LDB2: variants seen among roughly 807,000 people sequenced by gnomAD.
The protein encoded by LDB2 is LIM domain binding 2.
Under a neutral mutation model 44.3 loss-of-function variants are expected in LDB2, and 12 were observed. The ratio of observed to expected loss-of-function variants is 0.27; its 90% CI spans 0.17 to 0.44. LDB2 has a LOEUF of 0.44. Ranked by LOEUF, LDB2 falls within the 20% of genes least tolerant of loss-of-function variation. The pLI, the probability that LDB2 is intolerant of heterozygous loss-of-function variation, is 1.00. For missense variants in LDB2, 344 were observed against 473.5 expected, an observed-to-expected ratio of 0.73 and a Z score of 2.54; for synonymous variants, 164 against 174.8, an observed-to-expected ratio of 0.94 and a Z score of 0.49.
At chr4:16,556,182 A>G (rs950980740) in intron 5 of LDB2, among the ~76,000 whole-genome samples, 5 of 152,242 alleles carry the variant, frequency 3.3e-5, no homozygotes, top group Admixed American at 3.3e-4. Flanking sequence ...TTGAAATTAT[A>G]AACATATTTT....
At chr4:16,585,055 T>C (rs532936991) in intron 5 of LDB2, among the ~76,000 whole-genome samples, 59 of 152,132 alleles carry the variant, frequency 3.9e-4, no homozygotes, top group Non-Finnish European at 7.9e-4. Flanking sequence ...CAAGACGATA[T>C]GCCCAGCAGT....
At chr4:16,518,943 G>C (rs1227753700) in intron 5 of LDB2, among the ~76,000 whole-genome samples, 1 of 152,102 alleles carries the variant, frequency 6.6e-6, no homozygotes, top group Non-Finnish European at 1.5e-5. Flanking sequence ...ACCATTTAAG[G>C]TCCTCCAAGG....
At chr4:16,651,649 A>G (rs1738306891) in intron 2 of LDB2, among the ~76,000 whole-genome samples, 1 of 151,908 alleles carries the variant, frequency 6.6e-6, no homozygotes, top group Non-Finnish European at 1.5e-5. Flanking sequence ...ACCCCAAATC[A>G]TGGTATTTAC....
At chr4:16,585,892 C>CA in intron 5 of LDB2, 30 bp downstream of exon 5, 1 of 1,582,186 alleles carries the variant, frequency 6.3e-7, no homozygotes, top group Non-Finnish European at 8.7e-7. Context: ...TCAAACTCAC[C>CA]AAAAAATAAA....
At chr4:16,894,990 G>A (rs1222652840) in intron 1 of LDB2, among the ~76,000 whole-genome samples, 1 of 151,758 alleles carries the variant, frequency 6.6e-6, no homozygotes, top group East Asian at 1.9e-4. Flanking sequence ...CTTTTCTGGT[G>A]TTTATGGTAT....
chr4:16,819,518 C>A, intron 1 of LDB2, among the ~76,000 whole-genome samples: 1 of 145,274 alleles, frequency 6.9e-6, no homozygotes. Context: ...AGACCCAGGT[C>A]ATGTATTTTG....
chr4:16,829,348 A>T (rs1783639314), intron 1 of LDB2, among the ~76,000 whole-genome samples: 1 of 152,238 alleles, frequency 6.6e-6, no homozygotes, highest in Non-Finnish European at 1.5e-5. Flanking sequence ...CCAATACAAA[A>T]CAGAGAAACT....
intron 2 of LDB2, among the ~76,000 whole-genome samples, chr4:16,730,310 G>C (rs921164204): frequency 2.2e-4 from 33 of 151,960 alleles, no homozygotes; most frequent in Non-Finnish European, 4.3e-4. Flanking sequence ...TTTGCTTCAC[G>C]GTCATTATCA....
chr4:16,543,428 G>T (rs1468982004), intron 5 of LDB2, among the ~76,000 whole-genome samples: 1 of 152,192 alleles, frequency 6.6e-6, no homozygotes, highest in Non-Finnish European at 1.5e-5. Flanking sequence ...ATCCTCTCCA[G>T]CACCTGTTGT....
intron 1 of LDB2, among the ~76,000 whole-genome samples, chr4:16,821,519 G>A (rs1333922208): frequency 6.7e-6 from 1 of 150,086 alleles, no homozygotes; most frequent in Non-Finnish European, 1.5e-5. Flanking sequence ...GAGTAGCTGG[G>A]ACTACAGGCG....
intron 1 of LDB2, among the ~76,000 whole-genome samples, chr4:16,802,672 C>G (rs1778065572): frequency 6.6e-6 from 1 of 152,120 alleles, no homozygotes; most frequent in Non-Finnish European, 1.5e-5. Context: ...GACTGTGTCC[C>G]CACCCAAATC....
At chr4:16,877,132 G>A (rs1044132892) in intron 1 of LDB2, among the ~76,000 whole-genome samples, 1 of 152,172 alleles carries the variant, frequency 6.6e-6, no homozygotes, top group South Asian at 2.1e-4. Context: ...TGGCAAGAGA[G>A]ACAGGCCAGA....
chr4:16,850,026 T>C (rs775097131), intron 1 of LDB2, among the ~76,000 whole-genome samples: 3 of 152,212 alleles, frequency 2.0e-5, no homozygotes, highest in Non-Finnish European at 4.4e-5. Context: ...AAACTTTGCA[T>C]CTATGCATTC....
Position 16,533,503 on chromosome 4 carries a change from A to G in LDB2, c.616-21399T>C, listed in dbSNP as rs1378924157. On this transcript the variant is annotated intron_variant, in intron 5 of 7. Transcript: ENST00000304523. The surrounding 1 kb of genome is among the most constrained non-coding windows in gnomAD (Gnocchi z 4.1). ...GACTTAAGTGGGTCCTAAAAAAGCA[A>G]TGACAAATGACACAATGAAATTGTA... is the stretch of plus-strand genomic sequence containing the variant. Among the ~76,000 whole-genome samples the G allele has an allele frequency of 2.0e-5, 3 of 152,214 alleles. No individual in the cohort carries two copies. The highest frequency in any genetic ancestry group is 3.9e-4 in the East Asian group (2 of 5,194).
At chr4:16,573,456 G>A (rs1747298891) in intron 5 of LDB2, among the ~76,000 whole-genome samples, 1 of 152,164 alleles carries the variant, frequency 6.6e-6, no homozygotes, top group Admixed American at 6.5e-5. Flanking sequence ...AATGAGATGA[G>A]TCCACTGGTC....
At chr4:16,690,911 A>G (rs1406211765) in intron 2 of LDB2, among the ~76,000 whole-genome samples, 1 of 152,208 alleles carries the variant, frequency 6.6e-6, no homozygotes, top group Non-Finnish European at 1.5e-5. Flanking sequence ...AGCTTGAGTC[A>G]GATAGACCGT....
At chr4:16,759,987 A>G (rs1005265504) in intron 1 of LDB2, among the ~76,000 whole-genome samples, 1 of 152,228 alleles carries the variant, frequency 6.6e-6, no homozygotes, top group African/African-American at 2.4e-5. Flanking sequence ...GAAGCGGCCC[A>G]GTTTAAGGCA....
intron 2 of LDB2, among the ~76,000 whole-genome samples, chr4:16,665,817 T>C (rs562628686): frequency 3.3e-5 from 5 of 152,198 alleles, no homozygotes; most frequent in Admixed American, 6.5e-5. Context: ...CATCCCGGAC[T>C]GGGGCAGGCC....
intron 2 of LDB2, among the ~76,000 whole-genome samples, chr4:16,627,429 G>C (rs1294225679): frequency 6.6e-6 from 1 of 152,052 alleles, no homozygotes; most frequent in African/African-American, 2.4e-5. Flanking sequence ...AGGTGCTTGT[G>C]GGGAGCTCAC....
Sources: gnomAD v4.1 joint callset for allele counts (sites outside exome capture counted in the v4.1 genomes callset) on GRCh38, gnomAD v4.1.1 for gene constraint, Gnocchi (gnomAD v3.1) non-coding constraint, MANE v1.5 for transcripts, NCBI Gene and HGNC (gene_info 2026-07-23, HGNC 2026-07-21) for gene names.